The following SLC1A7 variants were observed in gnomAD, a reference collection of about 807,000 sequenced individuals.
SLC1A7 encodes the protein solute carrier family 1 member 7.
Under a neutral mutation model 47.7 loss-of-function variants are expected in SLC1A7, and 40 were observed. That is an observed-to-expected ratio of 0.84 (90% confidence interval 0.65 to 1.09). SLC1A7 has a LOEUF of 1.09. Ranked by LOEUF, SLC1A7 falls within the 50% of genes least tolerant of loss-of-function variation. The pLI, the probability that SLC1A7 is intolerant of heterozygous loss-of-function variation, is 0.00. For missense variants in SLC1A7, 746 were observed against 769.5 expected, an observed-to-expected ratio of 0.97 and a Z score of 0.36; for synonymous variants, 323 against 325.6, an observed-to-expected ratio of 0.99 and a Z score of 0.09.
rs576656848 is a variant in SLC1A7, at chr1:53,124,242, C to G, written c.216-9269G>C. Reference sequence around the variant, plus strand: ...ACAAGAAATAGGAAGGAAAACAATACATACACAACACACACACACACACAC... The same window carrying G: ...ACAAGAAATAGGAAGGAAAACAATAGATACACAACACACACACACACACAC... On this transcript the variant is annotated intron_variant, in intron 2 of 10. Transcript: ENST00000371494. Among the ~76,000 whole-genome samples the G allele has an allele frequency of 2.3e-3, 3 of 1,326 alleles. No individual in the cohort carries two copies. The East Asian group carries it at 0.38, about 166-fold the overall frequency. The allele number at this position is 1,326 out of a possible 152,430, so 0.9% of individuals were successfully genotyped here. A position where few individuals can be genotyped will look rare whatever the true frequency, so the allele number is the denominator to read the frequency against.
chr1:53,100,360 T>C (rs115644625), intron 5 of SLC1A7, among the ~76,000 whole-genome samples: 4,365 of 150,196 alleles, frequency 0.029, 90 homozygotes, highest in Middle Eastern at 0.071. Context: ...CCCAACTCAG[T>C]ACACTCACAC....
chr1:53,125,722 GC>G (rs1268863423), intron 2 of SLC1A7, among the ~76,000 whole-genome samples: 4 of 152,214 alleles, frequency 2.6e-5, no homozygotes, highest in African/African-American at 9.7e-5. Context: ...GCAGCGTTGT[GC>G]ACCTGCAAGG....
At chr1:53,123,916 C>G (rs1249061273) in intron 2 of SLC1A7, among the ~76,000 whole-genome samples, 1 of 152,234 alleles carries the variant, frequency 6.6e-6, no homozygotes, top group East Asian at 1.9e-4. Context: ...GTGGCTACCC[C>G]CTGACTCGGA....
chr1:53,139,048 C>A (rs995480222), intron 1 of SLC1A7, among the ~76,000 whole-genome samples: 2 of 152,158 alleles, frequency 1.3e-5, no homozygotes, highest in African/African-American at 2.4e-5. Context: ...CTTTTCTCTT[C>A]GTTTACTCTG....
intron 1 of SLC1A7, among the ~76,000 whole-genome samples, chr1:53,136,382 TG>T (rs1644994233): frequency 6.8e-6 from 1 of 147,584 alleles, no homozygotes; most frequent in Non-Finnish European, 1.5e-5. Flanking sequence ...TTAGTAGAGA[TG>T]GGGTTTCACC....
At chr1:53,101,216 T>G (rs1021973580) in intron 5 of SLC1A7, among the ~76,000 whole-genome samples, 5 of 121,700 alleles carry the variant, frequency 4.1e-5, no homozygotes, top group Non-Finnish European at 8.4e-5. Context: ...CACACTGCCT[T>G]GGTACACTCA....
chr1:53,112,621 A>G (rs3766780), intron 3 of SLC1A7, among the ~76,000 whole-genome samples: 6,151 of 152,284 alleles, frequency 0.04, 301 homozygotes, highest in East Asian at 0.14. Context: ...CCTTGGCTTG[A>G]GTCTCTTAGA....
In SLC1A7 at chr1:53,106,800, G is replaced by C. The variant is rs1230467113; in HGVS notation, c.432-1026C>G. Among the ~76,000 whole-genome samples the C allele has an allele frequency of 2.0e-5, 3 of 152,220 alleles. No homozygotes were observed. In the East Asian group the frequency reaches 5.8e-4, roughly 29 times the overall value. On this transcript the variant is annotated intron_variant, in intron 3 of 10. Transcript: ENST00000371494. ...GCTGACCAACGGTTTGGAAAAAATA[G>C]ATGTTAGATGCTTACACCAAAATAA... is the stretch of plus-strand genomic sequence containing the variant.
chr1:53,100,207 C>T (rs60872102), intron 5 of SLC1A7, among the ~76,000 whole-genome samples: 2 of 95,742 alleles, frequency 2.1e-5, no homozygotes, highest in East Asian at 3.0e-4. Flanking sequence ...GGTATACTCA[C>T]ACACCCCACC....
intron 2 of SLC1A7, among the ~76,000 whole-genome samples, chr1:53,120,390 C>G (rs1644806144): frequency 6.6e-6 from 1 of 152,170 alleles, no homozygotes; most frequent in Admixed American, 6.5e-5. Flanking sequence ...AGAGAGCCTG[C>G]AGGCTGCCCA....
At chr1:53,133,802 C>T (rs116896438) in intron 2 of SLC1A7, among the ~76,000 whole-genome samples, 108 of 152,140 alleles carry the variant, frequency 7.1e-4, no homozygotes, top group East Asian at 6.2e-3. Context: ...AAATTCATCT[C>T]GCACCATCCC....
Position 53,089,816 on chromosome 1 carries a change from C to T in SLC1A7, c.1345G>A (p.Ala449Thr). The T allele has an allele frequency of 6.2e-7, 1 of 1,613,952 alleles. No individual in the cohort carries two copies. Residue 449 changes from alanine to threonine, a missense_variant, in exon 9 of 11, where the codon GCC becomes ACC. Coordinates refer to ENST00000371494, the MANE Select transcript of SLC1A7 (RefSeq NM_006671.6). ...LPTDDITLII[A>T]VDWALDRFRT... ...TCCACTCACAGAGCCCAGTCAACGG[C>T]AATGATGAGGGTGATGTCATCGGTG...
chr1:53,099,796 G>A (rs1036677809), intron 5 of SLC1A7, among the ~76,000 whole-genome samples: 7 of 140,456 alleles, frequency 5.0e-5, no homozygotes, highest in African/African-American at 1.3e-4. Flanking sequence ...ACACCATCTC[G>A]GTACACTTAC....
intron 4 of SLC1A7, among the ~76,000 whole-genome samples, chr1:53,104,778 AG>A (rs1319792797): frequency 6.6e-6 from 1 of 152,224 alleles, no homozygotes; most frequent in Non-Finnish European, 1.5e-5. Flanking sequence ...AGCCCAGGAA[AG>A]GGGTTCAGGA....
At chr1:53,137,816 C>A (rs1557694315) in intron 1 of SLC1A7, among the ~76,000 whole-genome samples, 2 of 152,236 alleles carry the variant, frequency 1.3e-5, no homozygotes, top group Non-Finnish European at 2.9e-5. Flanking sequence ...AGCTTTCCAC[C>A]TTCCTGCTCC....
intron 3 of SLC1A7, 143 bp from the exon 4 acceptor site, chr1:53,105,917 A>G (rs1338366854): frequency 2.9e-6 from 2 of 696,226 alleles, no homozygotes; most frequent in East Asian, 5.0e-5. Context: ...CACCCACTAC[A>G]TCATGGACAC....
chr1:53,097,952 ATG>A (rs1644517990), intron 5 of SLC1A7, among the ~76,000 whole-genome samples: 4 of 31,998 alleles, frequency 1.3e-4, no homozygotes, highest in South Asian at 9.6e-4. Context: ...CTCACACACC[ATG>A]CCTCGGTACA....
chr1:53,098,667 C>G (rs1191034018), intron 5 of SLC1A7, among the ~76,000 whole-genome samples: 6 of 151,086 alleles, frequency 4.0e-5, no homozygotes, highest in Non-Finnish European at 7.4e-5. Context: ...ACTCACTCTG[C>G]CTGAGTACAC....
At position 53,119,314 on chromosome 1, in the gene SLC1A7, G is replaced by C. The variant is rs977439341; in HGVS notation, c.216-4341C>G. ...GGCACAAACCTGGTTTAACTCTGGT[G>C]GTGGGGGAAAAGATCTGGTTTGGGC... is the stretch of plus-strand genomic sequence containing the variant. On this transcript the variant is annotated intron_variant, in intron 2 of 10. Transcript: ENST00000371494. Among the ~76,000 whole-genome samples, 4 of 152,104 alleles carry C rather than the reference G, an allele frequency of 2.6e-5. No individual in the cohort carries two copies. The East Asian group carries it at 5.8e-4, about 22-fold the overall frequency.
Sources: allele counts gnomAD v4.1 joint callset (sites outside exome capture counted in the v4.1 genomes callset), GRCh38; gene constraint gnomAD v4.1.1; transcripts MANE v1.5; gene names NCBI Gene and HGNC (gene_info 2026-07-23, HGNC 2026-07-21).